The following PPARGC1A variants were observed in gnomAD, a reference collection of about 807,000 sequenced individuals.
The protein encoded by PPARGC1A is PPARG coactivator 1 alpha.
PPARGC1A carries 25 observed loss-of-function variants against 88.7 expected under a neutral mutation model. That is an observed-to-expected ratio of 0.28 (90% confidence interval 0.21 to 0.39). PPARGC1A has a LOEUF of 0.39. Among genes scored for constraint, PPARGC1A ranks in the 10% least tolerant of loss-of-function variants. PPARGC1A has a pLI of 1.00. For missense variants in PPARGC1A, 880 were observed against 968.7 expected (o/e 0.91, Z 1.22); for synonymous variants, 363 against 355.6 (o/e 1.02, Z -0.24).
the PPARGC1A span, among the ~76,000 whole-genome samples, chr4:24,104,987 T>G: frequency 6.6e-6 from 1 of 152,212 alleles, no homozygotes; most frequent in African/African-American, 2.4e-5. Context: ...ATGTGCATAT[T>G]AAATCACAGT....
At chr4:23,985,683 A>G in the PPARGC1A span, among the ~76,000 whole-genome samples, 1 of 152,054 alleles carries the variant, frequency 6.6e-6, no homozygotes, top group Non-Finnish European at 1.5e-5. Flanking sequence ...AACAAACTAT[A>G]AAATCACACA....
chr4:24,236,366 G>A, the PPARGC1A span, among the ~76,000 whole-genome samples: 1 of 152,158 alleles, frequency 6.6e-6, no homozygotes, highest in Non-Finnish European at 1.5e-5. Flanking sequence ...TCTGTCATCA[G>A]CAATGATACC....
rs529112294 is a variant in PPARGC1A at position 23,823,970 on chromosome 4, G to A, written c.877+310C>T. Among the ~76,000 whole-genome samples, 8 of 152,166 alleles carry A rather than the reference G, an allele frequency of 5.3e-5. No homozygotes were observed. In the South Asian group the frequency reaches 1.7e-3, roughly 32 times the overall value. On this transcript the variant is annotated intron_variant, in intron 7 of 12. Transcript: ENST00000264867. ...GGAATTTCTTGTTTAGACATCCCAC[G>A]ACTCACTTTTTGGTGGGGTTCAAGT...
At chr4:24,196,486 A>C in the PPARGC1A span, among the ~76,000 whole-genome samples, 1 of 152,208 alleles carries the variant, frequency 6.6e-6, no homozygotes, top group Non-Finnish European at 1.5e-5. Flanking sequence ...ACAATTACCC[A>C]AGATAAGCCC....
At chr4:24,409,694 C>G in the PPARGC1A span, among the ~76,000 whole-genome samples, 1 of 152,082 alleles carries the variant, frequency 6.6e-6, no homozygotes, top group East Asian at 1.9e-4. Flanking sequence ...GCTGGGGTGG[C>G]CTGACTAAAC....
the PPARGC1A span, among the ~76,000 whole-genome samples, chr4:24,348,642 A>G: frequency 6.6e-6 from 1 of 152,022 alleles, no homozygotes; most frequent in African/African-American, 2.4e-5. Flanking sequence ...AGTGTGTCCA[A>G]AGTTTCCTGA....
chr4:23,880,324 G>A (rs145287223), intron 2 of PPARGC1A, among the ~76,000 whole-genome samples: 147 of 152,230 alleles, frequency 9.7e-4, no homozygotes, highest in African/African-American at 3.5e-3. Flanking sequence ...CTTCTTTTGT[G>A]CTTTGTATAT....
chr4:23,967,086 GAA>G, the PPARGC1A span, among the ~76,000 whole-genome samples: 1 of 152,128 alleles, frequency 6.6e-6, no homozygotes, highest in Non-Finnish European at 1.5e-5. Context: ...ATTATTAAAG[GAA>G]ATTCTAATGA....
the PPARGC1A span, among the ~76,000 whole-genome samples, chr4:24,174,357 A>T: frequency 1.3e-5 from 2 of 152,214 alleles, no homozygotes; most frequent in East Asian, 3.8e-4. Context: ...AGTCTCAGGC[A>T]TCTTCCGAAA....
the PPARGC1A span, among the ~76,000 whole-genome samples, chr4:24,024,131 A>C: frequency 6.6e-6 from 1 of 152,144 alleles, no homozygotes; most frequent in South Asian, 2.1e-4. Flanking sequence ...TTCTGGTGTA[A>C]CTCATTGATG....
the PPARGC1A span, among the ~76,000 whole-genome samples, chr4:24,347,235 T>C: frequency 3.3e-5 from 5 of 152,194 alleles, no homozygotes; most frequent in Non-Finnish European, 5.9e-5. Flanking sequence ...AGAATGTGTA[T>C]TCTGTGGTTG....
the PPARGC1A span, among the ~76,000 whole-genome samples, chr4:23,912,896 C>T: frequency 9.3e-5 from 14 of 151,236 alleles, no homozygotes; most frequent in East Asian, 2.7e-3. Flanking sequence ...TCATGCCATT[C>T]TCCTGCCTCA....
chr4:23,884,726 T>C, intron 2 of PPARGC1A, 26 bp downstream of exon 2: 2 of 1,590,340 alleles, frequency 1.3e-6, no homozygotes, highest in Non-Finnish European at 1.7e-6. Context: ...CAATGAAAAA[T>C]TAATGTTTCC....
chr4:24,024,231 C>T, the PPARGC1A span, among the ~76,000 whole-genome samples: 3 of 152,210 alleles, frequency 2.0e-5, no homozygotes, highest in African/African-American at 7.2e-5. Context: ...CTTGCCCAGA[C>T]ATTTTACATG....
At chr4:23,842,680 A>G (rs959444651) in intron 2 of PPARGC1A, among the ~76,000 whole-genome samples, 9 of 152,044 alleles carry the variant, frequency 5.9e-5, no homozygotes, top group African/African-American at 2.2e-4. Context: ...TGACTACCAA[A>G]ATGTCTCCAG....
At chr4:24,101,939 T>C in the PPARGC1A span, among the ~76,000 whole-genome samples, 1 of 149,442 alleles carries the variant, frequency 6.7e-6, no homozygotes, top group Admixed American at 6.6e-5. Flanking sequence ...GATTGAGAGA[T>C]GAGAAAAACA....
the PPARGC1A span, among the ~76,000 whole-genome samples, chr4:24,146,550 T>C: frequency 2.6e-5 from 4 of 152,216 alleles, no homozygotes; most frequent in Non-Finnish European, 2.9e-5. Context: ...AGGCACAACG[T>C]CATTAGATCC....
the PPARGC1A span, among the ~76,000 whole-genome samples, chr4:24,284,738 A>G: frequency 6.6e-6 from 1 of 152,200 alleles, no homozygotes; most frequent in African/African-American, 2.4e-5. Flanking sequence ...CTTAGAAAAG[A>G]AAGAAGAAGC....
At chr4:24,134,724 TTTGAG>T in the PPARGC1A span, among the ~76,000 whole-genome samples, 9 of 152,326 alleles carry the variant, frequency 5.9e-5, no homozygotes, top group South Asian at 1.9e-3. Flanking sequence ...TGAATATAAT[TTTGAG>T]TTATTTATAG....
Sources: gnomAD v4.1 joint callset for allele counts (sites outside exome capture counted in the v4.1 genomes callset) on GRCh38, gnomAD v4.1.1 for gene constraint, MANE v1.5 for transcripts, NCBI Gene and HGNC (gene_info 2026-07-23, HGNC 2026-07-21) for gene names.